Variants in TAFA2 observed in about 807,000 individuals in gnomAD.
TAFA2 encodes TAFA chemokine like family member 2.
In TAFA2, 7 loss-of-function variants were observed where a neutral mutation model predicts 18.8. That is an observed-to-expected ratio of 0.37 (90% CI 0.21 to 0.70). The LOEUF (loss-of-function observed/expected upper bound fraction) is 0.70. Ranked by LOEUF, TAFA2 falls within the 30% of genes least tolerant of loss-of-function variation. TAFA2 has a pLI of 0.53. For missense variants in TAFA2, 122 were observed against 158.1 expected, an observed-to-expected ratio of 0.77 and a Z score of 1.23; for synonymous variants, 60 against 54.2, an observed-to-expected ratio of 1.11 and a Z score of -0.47.
chr12:61,769,620 C>A (rs1370786952), intron 2 of TAFA2, among the ~76,000 whole-genome samples: 1 of 151,986 alleles, frequency 6.6e-6, no homozygotes, highest in Non-Finnish European at 1.5e-5. Flanking sequence ...CAATGGGTGG[C>A]TAGACCAGGA....
intron 1 of TAFA2, among the ~76,000 whole-genome samples, chr12:62,069,882 C>T (rs914458728): frequency 1.4e-4 from 21 of 152,086 alleles, no homozygotes; most frequent in South Asian, 1.2e-3. Flanking sequence ...AGATTAAATA[C>T]GATGTTTGCT....
At chr12:61,870,293 C>T (rs543992261) in intron 1 of TAFA2, among the ~76,000 whole-genome samples, 16 of 152,286 alleles carry the variant, frequency 1.1e-4, no homozygotes, top group East Asian at 1.9e-4. Context: ...TACAGACCAC[C>T]AAACTTTCTC....
chr12:62,043,371 C>A (rs1881815909), intron 1 of TAFA2, among the ~76,000 whole-genome samples: 2 of 152,092 alleles, frequency 1.3e-5, no homozygotes, highest in South Asian at 2.1e-4. Context: ...GGACAAAAAA[C>A]CAAACACCAC....
At chr12:62,002,507 A>C (rs1389198260) in intron 1 of TAFA2, among the ~76,000 whole-genome samples, 1 of 152,044 alleles carries the variant, frequency 6.6e-6, no homozygotes, top group Non-Finnish European at 1.5e-5. Flanking sequence ...CTCTTCCATA[A>C]AATTTCCTAG....
intron 2 of TAFA2, among the ~76,000 whole-genome samples, chr12:61,768,152 A>G (rs1659819021): frequency 6.6e-6 from 1 of 152,134 alleles, no homozygotes; most frequent in Non-Finnish European, 1.5e-5. Flanking sequence ...CTCTACTTTT[A>G]AAAAACCTAG....
intron 1 of TAFA2, among the ~76,000 whole-genome samples, chr12:62,062,940 T>C (rs1592313059): frequency 6.6e-6 from 1 of 152,110 alleles, no homozygotes; most frequent in Non-Finnish European, 1.5e-5. Flanking sequence ...CATGTCATGC[T>C]TCACATTTTT....
chr12:61,913,610 T>G (rs1876700392), intron 1 of TAFA2, among the ~76,000 whole-genome samples: 2 of 152,198 alleles, frequency 1.3e-5, no homozygotes, highest in African/African-American at 4.8e-5. Flanking sequence ...AACAAGTAGA[T>G]AGGGATCATG....
At chr12:61,821,381 A>G (rs1032433953) in intron 2 of TAFA2, among the ~76,000 whole-genome samples, 2 of 152,094 alleles carry the variant, frequency 1.3e-5, no homozygotes, top group Admixed American at 6.6e-5. Context: ...GAAAACCAAG[A>G]CACACCTACA....
rs376127690 is a variant in TAFA2, at chr12:62,247,024, T to C, written c.-130+11739A>G. ...AATATATTTGGCCTTATTTCTACAA[T>C]CTTATATATATGTTTTCTATATGCT... On this transcript the variant is annotated intron_variant, in intron 1 of 5. Transcript: ENST00000551619. Among the ~76,000 whole-genome samples the C allele has an allele frequency of 3.3e-5, 5 of 152,288 alleles. No individual in the cohort carries two copies. The East Asian group carries it at 7.7e-4, about 24-fold the overall frequency.
At chr12:62,075,972 G>C (rs908745568) in intron 1 of TAFA2, among the ~76,000 whole-genome samples, 1 of 152,152 alleles carries the variant, frequency 6.6e-6, no homozygotes, top group Non-Finnish European at 1.5e-5. Flanking sequence ...CTGAACTTCA[G>C]AGTGGTTAAG....
At chr12:61,820,124 C>T (rs1249933473) in intron 2 of TAFA2, among the ~76,000 whole-genome samples, 1 of 152,026 alleles carries the variant, frequency 6.6e-6, no homozygotes, top group Non-Finnish European at 1.5e-5. Flanking sequence ...TGTCCCACCC[C>T]AACAGTTACC....
intron 1 of TAFA2, among the ~76,000 whole-genome samples, chr12:62,201,729 T>C (rs1429532591): frequency 6.6e-6 from 1 of 152,208 alleles, no homozygotes; most frequent in Non-Finnish European, 1.5e-5. Context: ...TGCAAGGTTC[T>C]GGTATCAGGA....
intron 1 of TAFA2, among the ~76,000 whole-genome samples, chr12:61,954,023 G>T (rs542587994): frequency 4.7e-4 from 71 of 152,186 alleles, no homozygotes; most frequent in African/African-American, 1.5e-3. Flanking sequence ...TTGTTACATG[G>T]ATATATTGCA....
intron 1 of TAFA2, among the ~76,000 whole-genome samples, chr12:62,103,325 C>G (rs1463703390): frequency 6.6e-6 from 1 of 152,166 alleles, no homozygotes; most frequent in Non-Finnish European, 1.5e-5. Flanking sequence ...CCAATTTCAT[C>G]CTAAGGTCAA....
intron 1 of TAFA2, chr12:61,879,578 G>A: frequency 1.3e-6 from 1 of 753,216 alleles, no homozygotes. Context: ...ATCCAGGCCA[G>A]GTTCTGCACA....
At chr12:61,758,293 G>A (rs1869371098) in intron 2 of TAFA2, among the ~76,000 whole-genome samples, 1 of 151,792 alleles carries the variant, frequency 6.6e-6, no homozygotes, top group African/African-American at 2.4e-5. Context: ...TGGGGTCAAG[G>A]GAATTTTTTT....
intron 1 of TAFA2, among the ~76,000 whole-genome samples, chr12:61,898,167 T>A (rs1377525670): frequency 6.6e-6 from 1 of 152,240 alleles, no homozygotes; most frequent in Non-Finnish European, 1.5e-5. Flanking sequence ...TCTGACCCCA[T>A]GGCTTTGCAG....
At position 61,895,441 on chromosome 12, in the gene TAFA2, A is replaced by T. The variant is rs1177890224; in HGVS notation, c.-1-28015T>A. Reference sequence around the variant, plus strand: ...CCGACTCACACACTAAAAAAGTGAAACAGTTCTCCCAAGTATTAACTCAAT... The same window carrying T: ...CCGACTCACACACTAAAAAAGTGAATCAGTTCTCCCAAGTATTAACTCAAT... On this transcript the variant is annotated intron_variant, in intron 1 of 4. Transcript: ENST00000416284. 2.0e-5 allele frequency among the ~76,000 whole-genome samples: 3 copies of T among 152,158 alleles called. No homozygotes were observed. The East Asian group carries it at 5.8e-4, about 29-fold the overall frequency.
intron 1 of TAFA2, among the ~76,000 whole-genome samples, chr12:62,082,568 A>T (rs1868340765): frequency 6.6e-6 from 1 of 152,206 alleles, no homozygotes. Context: ...GCTATCTGAC[A>T]CACATGACAC....
Sources: gnomAD v4.1 joint callset for allele counts (sites outside exome capture counted in the v4.1 genomes callset) on GRCh38, gnomAD v4.1.1 for gene constraint, MANE v1.5 for transcripts, NCBI Gene and HGNC (gene_info 2026-07-23, HGNC 2026-07-21) for gene names.